Variants in SGCZ observed in about 807,000 individuals in gnomAD.
SGCZ encodes the protein zeta-sarcoglycan.
Under a neutral mutation model 41.3 loss-of-function variants are expected in SGCZ, and 40 were observed. The observed-to-expected ratio is 0.97, with a 90% CI of 0.75 to 1.26. The LOEUF (loss-of-function observed/expected upper bound fraction) is 1.26, where lower values mean the gene tolerates loss of function less well. Ranked by LOEUF, SGCZ falls within the 50% of genes most tolerant of loss-of-function variation. The probability of loss-of-function intolerance (pLI) is 0.00; values close to 1 mark genes in which losing one functional copy is unlikely to be tolerated. For missense variants in SGCZ, 552 were observed against 369.8 expected, an observed-to-expected ratio of 1.49 and a Z score of -4.04; for synonymous variants, 206 against 137.5, an observed-to-expected ratio of 1.50 and a Z score of -3.49.
At chr8:14,958,359 T>A (rs1398799244) in intron 1 of SGCZ, among the ~76,000 whole-genome samples, 1 of 152,000 alleles carries the variant, frequency 6.6e-6, no homozygotes, top group African/African-American at 2.4e-5. Context: ...GGTCAATGGA[T>A]AAAAGGTTGT....
intron 2 of SGCZ, among the ~76,000 whole-genome samples, chr8:14,504,290 C>G (rs1041983261): frequency 1.3e-5 from 2 of 152,164 alleles, no homozygotes; most frequent in Non-Finnish European, 2.9e-5. Flanking sequence ...AATGACTTCA[C>G]AAATATCTTT....
At chr8:15,145,508 C>A (rs1799012537) in intron 1 of SGCZ, among the ~76,000 whole-genome samples, 1 of 152,118 alleles carries the variant, frequency 6.6e-6, no homozygotes, top group Admixed American at 6.6e-5. Context: ...ACCTTGTCAC[C>A]TACGCTGAAG....
chr8:14,894,839 A>T (rs1805135014), intron 1 of SGCZ, among the ~76,000 whole-genome samples: 1 of 152,184 alleles, frequency 6.6e-6, no homozygotes, highest in African/African-American at 2.4e-5. Context: ...AAACACAAGC[A>T]AGTTACTTCT....
chr8:14,182,475 G>A (rs1300117916), intron 4 of SGCZ, among the ~76,000 whole-genome samples: 1 of 152,170 alleles, frequency 6.6e-6, no homozygotes, highest in Non-Finnish European at 1.5e-5. Context: ...CCATCCAGGA[G>A]TGCCCTGTAT....
At chr8:14,781,653 T>A (rs1401751980) in intron 1 of SGCZ, among the ~76,000 whole-genome samples, 1 of 152,226 alleles carries the variant, frequency 6.6e-6, no homozygotes, top group African/African-American at 2.4e-5. Context: ...AACTAGTTGC[T>A]ACATATAGAC....
chr8:14,195,752 T>A (rs1368171978), intron 4 of SGCZ, among the ~76,000 whole-genome samples: 1 of 152,162 alleles, frequency 6.6e-6, no homozygotes, highest in Non-Finnish European at 1.5e-5. Flanking sequence ...GAGCAATATC[T>A]TTAAAATGCC....
intron 1 of SGCZ, among the ~76,000 whole-genome samples, chr8:15,142,837 C>T (rs560235937): frequency 2.0e-5 from 3 of 152,272 alleles, no homozygotes; most frequent in Admixed American, 6.5e-5. Context: ...TCTCAAACTC[C>T]TGGCTCACCC....
chr8:14,376,119 C>A (rs1190586787), intron 2 of SGCZ, among the ~76,000 whole-genome samples: 2 of 152,096 alleles, frequency 1.3e-5, no homozygotes, highest in African/African-American at 4.8e-5. Context: ...CGAGACCAGA[C>A]TGGCCAAGAT....
intron 3 of SGCZ, among the ~76,000 whole-genome samples, chr8:14,272,186 T>C (rs1339163083): frequency 6.6e-6 from 1 of 152,168 alleles, no homozygotes; most frequent in Non-Finnish European, 1.5e-5. Context: ...GTATTTTTTG[T>C]AGAGACAGTG....
chr8:14,357,117 T>G (rs1299785684), intron 2 of SGCZ, among the ~76,000 whole-genome samples: 3 of 152,020 alleles, frequency 2.0e-5, no homozygotes, highest in South Asian at 2.1e-4. Flanking sequence ...AATAAAATAC[T>G]AAGGACCTAC....
intron 1 of SGCZ, among the ~76,000 whole-genome samples, chr8:15,005,301 C>T (rs1221833037): frequency 5.5e-5 from 8 of 145,102 alleles, no homozygotes; most frequent in South Asian, 2.3e-4. Context: ...CCCCTCCCCA[C>T]GCCCCCTCCC....
chr8:14,737,011 T>A (rs1445256768), intron 1 of SGCZ, among the ~76,000 whole-genome samples: 1 of 151,040 alleles, frequency 6.6e-6, no homozygotes, highest in African/African-American at 2.4e-5. Flanking sequence ...AAAGAAACTC[T>A]GGTATATAGA....
chr8:14,409,904 G>T (rs759418277), intron 2 of SGCZ, among the ~76,000 whole-genome samples: 3 of 152,076 alleles, frequency 2.0e-5, no homozygotes, highest in African/African-American at 7.2e-5. Flanking sequence ...ATATATGGGA[G>T]GTAAAAATGT....
intron 1 of SGCZ, among the ~76,000 whole-genome samples, chr8:14,744,982 C>A (rs1459661056): frequency 1.3e-5 from 2 of 152,154 alleles, no homozygotes; most frequent in Admixed American, 6.6e-5. Flanking sequence ...TTTTACTTGT[C>A]ATCATTATGA....
intron 2 of SGCZ, among the ~76,000 whole-genome samples, chr8:14,482,107 C>T (rs1038522648): frequency 6.6e-6 from 1 of 152,070 alleles, no homozygotes; most frequent in African/African-American, 2.4e-5. Flanking sequence ...GAAAGAGCTC[C>T]AAAAATCAAC....
chr8:14,302,040 A>T (rs965749044), intron 3 of SGCZ, among the ~76,000 whole-genome samples: 2 of 152,172 alleles, frequency 1.3e-5, no homozygotes, highest in African/African-American at 4.8e-5. Context: ...ATACTTTTTC[A>T]CACACATTGT....
intron 1 of SGCZ, among the ~76,000 whole-genome samples, chr8:14,566,837 A>G (rs6996320): frequency 0.44 from 67,180 of 152,084 alleles, 15,223 homozygotes; most frequent in East Asian, 0.6. Flanking sequence ...AGGCACAGGC[A>G]GGAACCGGGG....
In SGCZ at chr8:14,088,310, G is replaced by C. The variant is rs1463992441; in HGVS notation, c.*2133C>G. On this transcript the variant is annotated 3_prime_UTR_variant, in exon 8 of 8. Transcript: ENST00000382080. ...CAGCTCAATTGATTAGTAGAAGACA[G>C]CTGAGATTAGAAACAGGGCCAGTTC... Among the ~76,000 whole-genome samples, 1 of 151,766 alleles carries C rather than the reference G, an allele frequency of 6.6e-6. No homozygotes were observed. The highest frequency in any genetic ancestry group is 1.5e-5 in the Non-Finnish European group (1 of 67,832).
chr8:14,419,804 A>G (rs529419252), intron 2 of SGCZ, among the ~76,000 whole-genome samples: 20 of 152,120 alleles, frequency 1.3e-4, no homozygotes, highest in African/African-American at 4.8e-4. Flanking sequence ...ATGTGTTGTA[A>G]TAAATTTAGT....
Sources: allele counts gnomAD v4.1 joint callset (sites outside exome capture counted in the v4.1 genomes callset), GRCh38; gene constraint gnomAD v4.1.1; transcripts MANE v1.5; gene names NCBI Gene and HGNC (gene_info 2026-07-23, HGNC 2026-07-21).